EYA1: variants seen among roughly 807,000 people sequenced by gnomAD.
EYA1 encodes protein phosphatase EYA1.
A neutral mutation model predicts 82.0 loss-of-function variants in EYA1; 16 were observed. The ratio of observed to expected loss-of-function variants is 0.20; its 90% confidence interval spans 0.13 to 0.30. The LOEUF (loss-of-function observed/expected upper bound fraction) is 0.30. Ranked by LOEUF, EYA1 falls within the 10% of genes least tolerant of loss-of-function variation. The probability of loss-of-function intolerance (pLI) is 1.00; values close to 1 mark genes in which losing one functional copy is unlikely to be tolerated. For synonymous variants in EYA1, 261 were observed against 264.4 expected, an observed-to-expected ratio of 0.99 and a Z score of 0.12; for missense variants, 633 against 730.7, an observed-to-expected ratio of 0.87 and a Z score of 1.54.
intron 2 of EYA1, among the ~76,000 whole-genome samples, chr8:71,511,512 G>T (rs1013643100): frequency 6.6e-6 from 1 of 152,164 alleles, no homozygotes. Flanking sequence ...TGTTGGAGTA[G>T]AAATTAACTC....
rs139784872 is a variant in EYA1, at chr8:71,516,608, C to A, written c.33+19136G>T. Reference sequence around the variant, plus strand: ...GCAAATACAAATTTGCACAGTATGGCCAAAAATACAGCCTTATTAGTGTGT... The same window carrying A: ...GCAAATACAAATTTGCACAGTATGGACAAAAATACAGCCTTATTAGTGTGT... On this transcript the variant is annotated intron_variant, in intron 2 of 18. Coordinates refer to the EYA1 transcript ENST00000643681. Among the ~76,000 whole-genome samples, 5 of 152,154 alleles carry A rather than the reference C, an allele frequency of 3.3e-5. No individual in the cohort carries two copies. The East Asian group carries it at 9.7e-4, about 29-fold the overall frequency.
chr8:71,289,403 G>A (rs1351368449), intron 9 of EYA1, among the ~76,000 whole-genome samples: 4 of 152,198 alleles, frequency 2.6e-5, no homozygotes, highest in African/African-American at 9.6e-5. Context: ...TTATCAGCAA[G>A]TAGAGCTCAA....
intron 12 of EYA1, among the ~76,000 whole-genome samples, chr8:71,219,605 G>T (rs1364573127): frequency 2.0e-5 from 3 of 152,122 alleles, no homozygotes. Context: ...AAATGCCTTG[G>T]GAGGTATGTT....
intron 2 of EYA1, among the ~76,000 whole-genome samples, chr8:71,429,966 T>C (rs1805503466): frequency 6.6e-6 from 1 of 152,216 alleles, no homozygotes; most frequent in African/African-American, 2.4e-5. Flanking sequence ...AGTAGAATCT[T>C]AGGAATAAGT....
At chr8:71,261,671 G>A (rs1163113619) in intron 11 of EYA1, among the ~76,000 whole-genome samples, 1 of 152,188 alleles carries the variant, frequency 6.6e-6, no homozygotes, top group Non-Finnish European at 1.5e-5. Context: ...AGAAAACCCA[G>A]TGAATCTCAA....
At chr8:71,431,568 G>C (rs767768735) in intron 2 of EYA1, among the ~76,000 whole-genome samples, 1 of 152,110 alleles carries the variant, frequency 6.6e-6, no homozygotes, top group Non-Finnish European at 1.5e-5. Context: ...AATTGCTAGG[G>C]TCTTTAAAAT....
At position 71,321,775 on chromosome 8, in the gene EYA1, G is replaced by A. The variant is rs375521116; in HGVS notation, c.377C>T (p.Thr126Met). 16 of 1,614,122 alleles carry A rather than the reference G, an allele frequency of 9.9e-6. No homozygotes were observed. The highest frequency in any genetic ancestry group is 8.0e-5 in the African/African-American group (6 of 74,958). Residue 126 changes from threonine to methionine, a missense_variant, in exon 6 of 18, where the codon ACG becomes ATG. Thr to Met is a moderately conservative substitution (Grantham distance 81). Transcript: ENST00000340726. ...GTACGGCTGTCCTGGCTGTGGGTAC[G>A]TGGCATAGGCTGTAGCTTGTTGCAT... Reference protein sequence around the residue: ...TGMQQATAYATYPQPGQPYGI... With the variant: ...TGMQQATAYAMYPQPGQPYGI...
At chr8:71,348,684 C>T (rs1419633038) in intron 3 of EYA1, among the ~76,000 whole-genome samples, 1 of 152,292 alleles carries the variant, frequency 6.6e-6, no homozygotes, top group Non-Finnish European at 1.5e-5. Context: ...CGGGCCACCC[C>T]TCTATTCCTC....
At chr8:71,525,222 G>T (rs1424672131) in intron 2 of EYA1, among the ~76,000 whole-genome samples, 2 of 152,106 alleles carry the variant, frequency 1.3e-5, no homozygotes, top group African/African-American at 4.8e-5. Context: ...ACCCTCACAG[G>T]TATGCACTGA....
chr8:71,232,082 G>C (rs1429028422), intron 12 of EYA1, among the ~76,000 whole-genome samples: 1 of 152,216 alleles, frequency 6.6e-6, no homozygotes, highest in Non-Finnish European at 1.5e-5. Flanking sequence ...GAAAACCTGA[G>C]TTTCAACCTC....
intron 12 of EYA1, among the ~76,000 whole-genome samples, chr8:71,241,062 G>A (rs986994007): frequency 2.6e-5 from 4 of 152,138 alleles, no homozygotes; most frequent in African/African-American, 9.7e-5. Context: ...CTTAGAAATA[G>A]GAAAGCCAGA....
At chr8:71,228,984 AG>A (rs1166700258) in intron 12 of EYA1, among the ~76,000 whole-genome samples, 6 of 152,202 alleles carry the variant, frequency 3.9e-5, no homozygotes, top group Admixed American at 3.3e-4. Context: ...ATCTAGCGGG[AG>A]GGGAGACAGG....
In EYA1 at chr8:71,474,268, A is replaced by G. The variant is rs187278176; in HGVS notation, c.33+61476T>C. 9.8e-3 allele frequency among the ~76,000 whole-genome samples: 1,494 copies of G among 152,214 alleles called. 16 individuals are homozygous for G. The highest frequency in any genetic ancestry group is 0.017 in the Non-Finnish European group (1,136 of 67,990). ...AGGAAGAAGAAGAAGAAGCAGAAGCAGCAGCTCTGATTCCAATGGACTTTC... is the reference window on the plus strand; with the variant it reads ...AGGAAGAAGAAGAAGAAGCAGAAGCGGCAGCTCTGATTCCAATGGACTTTC... On this transcript the variant is annotated intron_variant, in intron 2 of 18. Coordinates refer to the EYA1 transcript ENST00000643681.
intron 3 of EYA1, among the ~76,000 whole-genome samples, chr8:71,336,951 A>T (rs73684753): frequency 1.3e-5 from 2 of 152,224 alleles, no homozygotes; most frequent in Admixed American, 6.5e-5. Context: ...AGAAACAGAG[A>T]CTACTTCTGG....
intron 2 of EYA1, among the ~76,000 whole-genome samples, chr8:71,417,592 AAAAAACACAG>A (rs1433271907): frequency 1.3e-5 from 2 of 152,180 alleles, no homozygotes; most frequent in African/African-American, 2.4e-5. Context: ...TTTACATTAT[AAAAAACACAG>A]AAAAACACAG....
At chr8:71,242,197 C>T (rs886997798) in intron 12 of EYA1, among the ~76,000 whole-genome samples, 1 of 151,878 alleles carries the variant, frequency 6.6e-6, no homozygotes, top group Non-Finnish European at 1.5e-5. Context: ...CAGAGCAAGA[C>T]CCTATCTCAA....
At chr8:71,337,219 A>G (rs1479968187) in intron 3 of EYA1, among the ~76,000 whole-genome samples, 1 of 152,210 alleles carries the variant, frequency 6.6e-6, no homozygotes, top group African/African-American at 2.4e-5. Flanking sequence ...AGGAAAAACT[A>G]TGAATGATCT....
intron 12 of EYA1, among the ~76,000 whole-genome samples, chr8:71,238,215 T>C (rs1021457824): frequency 2.6e-5 from 4 of 152,192 alleles, no homozygotes; most frequent in Non-Finnish European, 4.4e-5. Flanking sequence ...ATTTAAAACA[T>C]ACACAATTTT....
Position 71,332,197 on chromosome 8 carries a change from G to C in EYA1, c.202+1900C>G, listed in dbSNP as rs371832076. Among the ~76,000 whole-genome samples, 490 of 152,068 alleles carry C rather than the reference G, an allele frequency of 3.2e-3. 2 individuals are homozygous for C. The highest frequency in any genetic ancestry group is 0.011 in the African/African-American group (474 of 41,496). ...ATTACCTGTTTTCATTTGATCCTCT[G>C]CCCATGTCATATATATTAGCTTTCC... On this transcript the variant is annotated intron_variant, in intron 4 of 17. Coordinates refer to ENST00000340726, the MANE Select transcript of EYA1 (RefSeq NM_000503.6).
Sources: gnomAD v4.1 joint callset for allele counts (sites outside exome capture counted in the v4.1 genomes callset) on GRCh38, gnomAD v4.1.1 for gene constraint, MANE v1.5 for transcripts, NCBI Gene and HGNC (gene_info 2026-07-23, HGNC 2026-07-21) for gene names.